Variants in SPNS3 observed in about 807,000 individuals in gnomAD.
SPNS3 encodes the protein protein spinster homolog 3.
SPNS3 carries 51 observed loss-of-function variants against 54.4 expected under a neutral mutation model. The ratio of observed to expected loss-of-function variants is 0.94; its 90% CI spans 0.75 to 1.18. The LOEUF (loss-of-function observed/expected upper bound fraction) is 1.18. SPNS3 is among the 50% of genes most tolerant of loss of function. The pLI is 0.00. For synonymous variants in SPNS3, 309 were observed against 294.7 expected, an observed-to-expected ratio of 1.05 and a Z score of -0.50; for missense variants, 669 against 677.4, an observed-to-expected ratio of 0.99 and a Z score of 0.14.
At chr17:4,475,225 A>G (rs1971958378) in intron 8 of SPNS3, among the ~76,000 whole-genome samples, 1 of 152,188 alleles carries the variant, frequency 6.6e-6, no homozygotes, top group Non-Finnish European at 1.5e-5. Context: ...CAGTGTTCCC[A>G]GGCCCTATCT....
In SPNS3 at chr17:4,448,150, C is replaced by T; in HGVS notation, c.622-5C>T. 21 of 1,582,444 alleles carry T rather than the reference C, an allele frequency of 1.3e-5. No homozygotes were observed. The highest frequency in any genetic ancestry group is 1.8e-5 in the Non-Finnish European group (21 of 1,167,308). On this transcript the variant is annotated splice_region_variant and splice_polypyrimidine_tract_variant and intron_variant, in intron 5 of 11. Transcript: ENST00000355530. ...CCTGAGCTTCCTGGGCCCTCCTGTC[C>T]CCAGGTCATGCCCTGCCTGGAGGCC...
chr17:4,477,855 C>T (rs543815876), intron 8 of SPNS3, among the ~76,000 whole-genome samples: 123 of 151,752 alleles, frequency 8.1e-4, no homozygotes, highest in African/African-American at 2.7e-3. Context: ...GGCTGGCACA[C>T]GGTAGGTGCC....
intron 1 of SPNS3, among the ~76,000 whole-genome samples, chr17:4,439,204 A>C (rs1026955117): frequency 6.7e-6 from 1 of 150,136 alleles, no homozygotes; most frequent in African/African-American, 2.5e-5. Context: ...GCTCACTGCA[A>C]CCTCCACCTC....
chr17:4,436,111 G>A (rs1203329730), intron 1 of SPNS3, among the ~76,000 whole-genome samples: 2 of 152,194 alleles, frequency 1.3e-5, no homozygotes, highest in African/African-American at 2.4e-5. Flanking sequence ...ACCATCTCAT[G>A]GGGCAGAGAT....
At chr17:4,476,642 C>T (rs1972009124) in intron 8 of SPNS3, among the ~76,000 whole-genome samples, 1 of 152,166 alleles carries the variant, frequency 6.6e-6, no homozygotes, top group Admixed American at 6.5e-5. Context: ...GAATGTGGAT[C>T]CGCAGCTGCC....
At position 4,464,010 on chromosome 17, in the gene SPNS3, T is replaced by C. The variant is rs561736796; in HGVS notation, c.1113+10805T>C. 7.9e-5 allele frequency among the ~76,000 whole-genome samples: 12 copies of C among 152,318 alleles called. No homozygotes were observed. In the South Asian group the frequency reaches 2.3e-3, roughly 29 times the overall value. Reference sequence around the variant, plus strand: ...TTTTCTCCTGCTACTTTTGTGCCTGTAACTGCATTGTGTGGGCAGGATGAT... The same window carrying C: ...TTTTCTCCTGCTACTTTTGTGCCTGCAACTGCATTGTGTGGGCAGGATGAT... On this transcript the variant is annotated intron_variant, in intron 8 of 11. Transcript: ENST00000355530.
At chr17:4,474,391 C>A (rs138606321) in intron 8 of SPNS3, among the ~76,000 whole-genome samples, 1 of 152,134 alleles carries the variant, frequency 6.6e-6, no homozygotes, top group African/African-American at 2.4e-5. Context: ...GCAAAGAGAT[C>A]GTCCGTGAGG....
At position 4,445,375 on chromosome 17, in the gene SPNS3, C is replaced by CTT. The variant is rs150794166; in HGVS notation, c.402+223_402+224dup. On this transcript the variant is annotated intron_variant, in intron 3 of 11. Transcript: ENST00000355530. Reference sequence around the variant, plus strand: ...GTCTGCACAGGGCAGAGCTGGTGGACTTTTTTTTTTTTTTTTTGAGACAGA... The same window carrying CTT: ...GTCTGCACAGGGCAGAGCTGGTGGACTTTTTTTTTTTTTTTTTTTGAGACAGA... Among the ~76,000 whole-genome samples the CTT allele has an allele frequency of 9.1e-4, 130 of 142,160 alleles. 2 individuals carry two copies. Among genetic ancestry groups the CTT allele is most frequent in the East Asian group, 5.5e-3 (26 of 4,726 alleles). 93.3% of individuals were successfully genotyped at this position (142,160 alleles called of 152,430 possible).
In SPNS3 at chr17:4,446,798, C is replaced by T. The variant is rs538539597; in HGVS notation, c.555-98C>T. The T allele has an allele frequency of 2.9e-5, 34 of 1,156,394 alleles. 1 individual carries two copies. In the South Asian group the frequency reaches 4.1e-4, roughly 14 times the overall value. The allele number at this position is 1,156,394 out of a possible 1,614,324, so 71.6% of individuals were successfully genotyped here. On this transcript the variant is annotated intron_variant, in intron 4 of 11. Transcript: ENST00000355530. ...TCTGAGCCTGCAGAGAGCCAGCTCC[C>T]TGGGGCGTGGGGGGGGCACCCTGGG... is the stretch of plus-strand genomic sequence containing the variant.
chr17:4,452,914 T>C (rs897553146), intron 7 of SPNS3, 102 bp from the exon 8 acceptor site: 10 of 1,137,610 alleles, frequency 8.8e-6, no homozygotes, highest in East Asian at 2.4e-5. Context: ...CACCAGATCA[T>C]GCACTTGAGC....
intron 1 of SPNS3, among the ~76,000 whole-genome samples, chr17:4,434,565 C>T (rs1970665695): frequency 6.6e-6 from 1 of 151,964 alleles, no homozygotes; most frequent in Non-Finnish European, 1.5e-5. Flanking sequence ...GGCGCAATCT[C>T]AGCTCACTGC....
At chr17:4,476,066 T>C (rs1428735753) in intron 8 of SPNS3, among the ~76,000 whole-genome samples, 1 of 152,174 alleles carries the variant, frequency 6.6e-6, no homozygotes. Context: ...AGGGTGGGGC[T>C]GCGCCCGTCC....
At chr17:4,448,570 A>T (rs1765675098) in intron 6 of SPNS3, among the ~76,000 whole-genome samples, 1 of 152,180 alleles carries the variant, frequency 6.6e-6, no homozygotes, top group Non-Finnish European at 1.5e-5. Context: ...CCCTGCCCAT[A>T]AGTGGCTCCA....
At chr17:4,438,096 G>A (rs1027959983) in intron 1 of SPNS3, among the ~76,000 whole-genome samples, 1 of 152,188 alleles carries the variant, frequency 6.6e-6, no homozygotes, top group Admixed American at 6.5e-5. Context: ...CCTGAGCAAG[G>A]ATTTTTTGCT....
intron 9 of SPNS3, among the ~76,000 whole-genome samples, chr17:4,482,930 A>G (rs1395620154): frequency 2.6e-5 from 4 of 152,174 alleles, no homozygotes; most frequent in Non-Finnish European, 5.9e-5. Flanking sequence ...CTAGAGCAGA[A>G]GGGGAGCTCA....
chr17:4,478,721 C>T (rs566101877), intron 9 of SPNS3, 84 bp downstream of exon 9: 484 of 1,402,384 alleles, frequency 3.5e-4, no homozygotes, highest in Non-Finnish European at 4.6e-4. Context: ...TGGGCACTGG[C>T]GGCGACATCA....
In SPNS3 at chr17:4,446,189, C is replaced by T. The variant is rs777475654; in HGVS notation, c.544C>T (p.Pro182Ser). The change falls in exon 4 of 12, where the codon CCC becomes TCC. Residue 182 changes from proline to serine, a missense_variant. Pro to Ser is a moderately conservative substitution (Grantham distance 74, BLOSUM62 -1). Transcript: ENST00000355530. ...GCTGGCTGTCTTCTACATCTTTATC[C>T]CCGTTGGAAGGTTGGTATCACCCGT... ...RVLAVFYIFIPVGSGLGYVLG... is the reference protein window; with the variant it reads ...RVLAVFYIFISVGSGLGYVLG... 3.1e-6 allele frequency: 5 copies of T among 1,609,964 alleles called. No homozygotes were observed. In the East Asian group the frequency reaches 8.9e-5, roughly 29 times the overall value.
At chr17:4,447,040 C>T (rs1326655551) in intron 5 of SPNS3, 78 bp downstream of exon 5, 8 of 1,532,114 alleles carry the variant, frequency 5.2e-6, no homozygotes, top group Non-Finnish European at 5.4e-6. Flanking sequence ...TGACCTTAGC[C>T]ACTTGGCGTA....
intron 8 of SPNS3, among the ~76,000 whole-genome samples, chr17:4,460,075 C>T (rs1039971449): frequency 2.0e-5 from 3 of 152,036 alleles, no homozygotes; most frequent in Non-Finnish European, 2.9e-5. Context: ...GTAGAGGGAA[C>T]AGCAACTGTG....
Sources: allele counts gnomAD v4.1 joint callset (sites outside exome capture counted in the v4.1 genomes callset), GRCh38; gene constraint gnomAD v4.1.1; transcripts MANE v1.5; gene names NCBI Gene and HGNC (gene_info 2026-07-23, HGNC 2026-07-21).